FGGY: variants seen among roughly 807,000 people sequenced by gnomAD.
The protein encoded by FGGY is FGGY carbohydrate kinase domain containing.
Under a neutral mutation model 71.3 loss-of-function variants are expected in FGGY, and 72 were observed. That is an observed-to-expected ratio of 1.01 (90% confidence interval 0.84 to 1.23). FGGY has a LOEUF of 1.23. Among genes scored for constraint, FGGY ranks in the 50% most tolerant of loss-of-function variants. The probability of loss-of-function intolerance (pLI) is 0.00; values close to 1 mark genes in which losing one functional copy is unlikely to be tolerated. For synonymous variants in FGGY, 251 were observed against 250.3 expected (o/e 1.00, Z -0.02); for missense variants, 668 against 682.3 (o/e 0.98, Z 0.23).
chr1:59,447,274 A>G (rs1010681644), intron 5 of FGGY, among the ~76,000 whole-genome samples: 1 of 152,018 alleles, frequency 6.6e-6, no homozygotes, highest in South Asian at 2.1e-4. Flanking sequence ...TGGCTAGGCT[A>G]TTTTCTCTAT....
chr1:59,516,211 A>G (rs1322851594), intron 7 of FGGY, among the ~76,000 whole-genome samples: 1 of 152,204 alleles, frequency 6.6e-6, no homozygotes, highest in African/African-American at 2.4e-5. Flanking sequence ...TACCTTTCCT[A>G]TACCCCTATT....
At position 59,575,172 on chromosome 1, in the gene FGGY, A is replaced by G. The variant is rs142368931; in HGVS notation, c.903+20945A>G. Among the ~76,000 whole-genome samples the G allele has an allele frequency of 9.9e-5, 15 of 152,280 alleles. No homozygotes were observed. The East Asian group carries it at 2.7e-3, about 27-fold the overall frequency. Reference sequence around the variant, plus strand: ...TCAAATATACAATACATTTTTATTAACTATAGTCACCATGCTGTGCAACAG... The same window carrying G: ...TCAAATATACAATACATTTTTATTAGCTATAGTCACCATGCTGTGCAACAG... On this transcript the variant is annotated intron_variant, in intron 8 of 15. Transcript: ENST00000303721.
chr1:59,695,365 A>G (rs1361882064), intron 14 of FGGY, among the ~76,000 whole-genome samples: 1 of 152,208 alleles, frequency 6.6e-6, no homozygotes, highest in Non-Finnish European at 1.5e-5. Context: ...ATAACTTCTA[A>G]GTGGAGACCC....
chr1:59,324,142 A>G (rs2046902060), intron 2 of FGGY, among the ~76,000 whole-genome samples: 2 of 152,170 alleles, frequency 1.3e-5, no homozygotes, highest in Non-Finnish European at 2.9e-5. Flanking sequence ...AGTTAAAGCA[A>G]CAGTAAGGAT....
chr1:59,751,593 G>T (rs2098245747), intron 14 of FGGY, among the ~76,000 whole-genome samples: 1 of 152,054 alleles, frequency 6.6e-6, no homozygotes, highest in South Asian at 2.1e-4. Context: ...TCTATGGCCA[G>T]GTGTGTTTTT....
At chr1:59,593,062 A>G (rs993500782) in intron 8 of FGGY, among the ~76,000 whole-genome samples, 1 of 152,266 alleles carries the variant, frequency 6.6e-6, no homozygotes, top group African/African-American at 2.4e-5. Flanking sequence ...ATACACCCTG[A>G]TGCTGATCTA....
chr1:59,446,783 C>G (rs2071369155), intron 5 of FGGY, among the ~76,000 whole-genome samples: 1 of 152,218 alleles, frequency 6.6e-6, no homozygotes, highest in African/African-American at 2.4e-5. Flanking sequence ...GATTGAGACT[C>G]TCCAGGTTCA....
At chr1:59,325,875 C>T (rs2047340595) in intron 2 of FGGY, among the ~76,000 whole-genome samples, 1 of 152,212 alleles carries the variant, frequency 6.6e-6, no homozygotes. Context: ...ATCTTCCTCT[C>T]TGTCTTCCTC....
intron 1 of FGGY, among the ~76,000 whole-genome samples, chr1:59,312,762 T>C (rs1238444670): frequency 6.6e-6 from 1 of 152,224 alleles, no homozygotes; most frequent in Non-Finnish European, 1.5e-5. Context: ...ACATTACCTG[T>C]GTGGCTCTTG....
intron 10 of FGGY, among the ~76,000 whole-genome samples, chr1:59,627,486 A>ATATC (rs1553349276): frequency 8.2e-6 from 1 of 121,804 alleles, no homozygotes. Context: ...ATATATATAT[A>ATATC]TATACACACA....
intron 1 of FGGY, among the ~76,000 whole-genome samples, chr1:59,309,368 A>C (rs992184221): frequency 6.6e-6 from 1 of 152,224 alleles, no homozygotes; most frequent in African/African-American, 2.4e-5. Context: ...TAGAGGGAAC[A>C]GTATGAACAA....
At chr1:59,612,371 C>A (rs1365630975) in intron 9 of FGGY, among the ~76,000 whole-genome samples, 13 of 152,138 alleles carry the variant, frequency 8.5e-5, no homozygotes, top group Admixed American at 8.5e-4. Flanking sequence ...AATTTTCAAC[C>A]CAGAATTTCA....
intron 14 of FGGY, among the ~76,000 whole-genome samples, chr1:59,717,020 T>A (rs75871868): frequency 6.6e-6 from 1 of 152,174 alleles, no homozygotes; most frequent in Non-Finnish European, 1.5e-5. Flanking sequence ...TAACACTTAG[T>A]TGCAGGATTG....
At chr1:59,375,965 C>T (rs922072205) in intron 4 of FGGY, among the ~76,000 whole-genome samples, 1 of 134,600 alleles carries the variant, frequency 7.4e-6, no homozygotes, top group Admixed American at 8.5e-5. Flanking sequence ...GGTGGTTTGG[C>T]GGTTCATATC....
chr1:59,677,973 G>A (rs972779013), intron 14 of FGGY, among the ~76,000 whole-genome samples: 1 of 151,926 alleles, frequency 6.6e-6, no homozygotes, highest in South Asian at 2.1e-4. Flanking sequence ...ATAGCCATTC[G>A]TTCATTCTAA....
intron 14 of FGGY, among the ~76,000 whole-genome samples, chr1:59,679,845 C>T (rs1208853989): frequency 6.6e-6 from 1 of 152,088 alleles, no homozygotes; most frequent in African/African-American, 2.4e-5. Flanking sequence ...TAGCTTATTT[C>T]ACCAGTCCTC....
At chr1:59,514,102 C>T (rs562410208) in intron 7 of FGGY, among the ~76,000 whole-genome samples, 4 of 152,334 alleles carry the variant, frequency 2.6e-5, no homozygotes, top group African/African-American at 7.2e-5. Context: ...TTGGTTTTTA[C>T]ATACAAGCAC....
At chr1:59,743,999 C>T (rs2098172288) in intron 14 of FGGY, among the ~76,000 whole-genome samples, 3 of 152,230 alleles carry the variant, frequency 2.0e-5, no homozygotes, top group Admixed American at 6.5e-5. Flanking sequence ...AATAGTATCA[C>T]TCAAGAGAAC....
At chr1:59,758,081 G>T in intron 15 of FGGY, 89 bp downstream of exon 15, 2 of 886,160 alleles carry the variant, frequency 2.3e-6, no homozygotes, top group South Asian at 3.6e-5. Context: ...AAACTCAGGT[G>T]GTCAACTAAT....
Sources: allele counts gnomAD v4.1 joint callset (sites outside exome capture counted in the v4.1 genomes callset), GRCh38; gene constraint gnomAD v4.1.1; transcripts MANE v1.5; gene names NCBI Gene and HGNC (gene_info 2026-07-23, HGNC 2026-07-21).